CLIP1: variants seen among roughly 807,000 people sequenced by gnomAD.
CLIP1 encodes the protein CAP-Gly domain containing linker protein 1, also known as CAP-Gly domain-containing linker protein 1.
A neutral mutation model predicts 161.6 loss-of-function variants in CLIP1; 66 were observed. The ratio of observed to expected loss-of-function variants is 0.41; its 90% CI spans 0.33 to 0.50. The LOEUF (loss-of-function observed/expected upper bound fraction) is 0.50, where lower values mean the gene tolerates loss of function less well. Ranked by LOEUF, CLIP1 falls within the 20% of genes least tolerant of loss-of-function variation. The pLI is 0.27. For synonymous variants in CLIP1, 598 were observed against 626.2 expected (o/e 0.96, Z 0.67); for missense variants, 1,376 against 1,702.0 (o/e 0.81, Z 3.37).
At chr12:122,421,811 T>C (rs2137259968) in intron 1 of CLIP1, among the ~76,000 whole-genome samples, 1 of 152,310 alleles carries the variant, frequency 6.6e-6, no homozygotes, top group African/African-American at 2.4e-5. Flanking sequence ...GGGCAATCGC[T>C]AGGTTCTGCT....
intron 19 of CLIP1, among the ~76,000 whole-genome samples, chr12:122,315,120 CAT>C (rs1221392175): frequency 3.3e-5 from 5 of 152,204 alleles, no homozygotes; most frequent in African/African-American, 1.2e-4. Context: ...AAGAACCACA[CAT>C]GTGCTAGCTT....
intron 20 of CLIP1, among the ~76,000 whole-genome samples, chr12:122,299,251 A>G (rs953285507): frequency 3.3e-5 from 5 of 152,144 alleles, no homozygotes; most frequent in East Asian, 3.9e-4. Context: ...TCCAGGATGG[A>G]TAACTTCTCT....
chr12:122,335,401 T>C (rs953699894), intron 12 of CLIP1, among the ~76,000 whole-genome samples: 6 of 151,688 alleles, frequency 4.0e-5, no homozygotes, highest in Non-Finnish European at 7.4e-5. Context: ...GTGGCATGTC[T>C]TGTCCTAAGA....
intron 19 of CLIP1, 30 bp from the exon 20 acceptor site, chr12:122,309,912 T>C (rs759936149): frequency 9.3e-6 from 15 of 1,611,864 alleles, no homozygotes; most frequent in South Asian, 2.2e-5. Flanking sequence ...AGGGTTACCA[T>C]AGAAACAAGA....
rs747590912 is a variant in CLIP1, at chr12:122,341,425, G to A, written c.1779C>T (p.Thr593=). The change falls in exon 11 of 26, where the codon ACC becomes ACT. Residue 593 remains threonine (T), a synonymous_variant. Coordinates refer to ENST00000620786, the MANE Select transcript of CLIP1 (RefSeq NM_001247997.2). ...TCTCTTTGGAAAGCTTTTCCGTGGC[G>A]GTATACAGAGCCTTTATCTCCTTCT... ...THQKEIKALY[T]ATEKLSKENE... 2.0e-5 allele frequency: 32 copies of A among 1,613,974 alleles called. No individual in the cohort carries two copies. In the Middle Eastern group the frequency reaches 4.9e-4, roughly 25 times the overall value.
chr12:122,420,961 GGATA>G (rs1418533045), intron 1 of CLIP1, among the ~76,000 whole-genome samples: 49 of 151,126 alleles, frequency 3.2e-4, no homozygotes, highest in Middle Eastern at 3.4e-3. Flanking sequence ...ATTGATGGAT[GGATA>G]GACAGACAGA....
rs540284407 is a variant in CLIP1, at chr12:122,274,446, A to C, written c.3967-284T>G. Reference sequence around the variant, plus strand: ...AGATTTCTTCAAATGTTCATTACTGAGGAGATGCTATTTTATATTTTAAAA... The same window carrying C: ...AGATTTCTTCAAATGTTCATTACTGCGGAGATGCTATTTTATATTTTAAAA... On this transcript the variant is annotated intron_variant, in intron 24 of 25. Transcript: ENST00000620786. 13 of 220,604 alleles carry C rather than the reference A, an allele frequency of 5.9e-5. No individual in the cohort carries two copies. In the Admixed American group the frequency reaches 6.9e-4, roughly 12 times the overall value. 13.7% of individuals were successfully genotyped at this position (220,604 alleles called of 1,614,324 possible).
intron 14 of CLIP1, among the ~76,000 whole-genome samples, chr12:122,333,357 C>T (rs1952074189): frequency 6.6e-6 from 1 of 152,062 alleles, no homozygotes; most frequent in African/African-American, 2.4e-5. Flanking sequence ...TAAATGCAGG[C>T]AAAGGAGCTG....
In CLIP1 at chr12:122,347,258, G is replaced by C; in HGVS notation, c.1506+117C>G. ...CTCACAAACACCTGAATGGTACCAAGACCAAACTCAGGTTGAACCACTGGG... is the reference window on the plus strand; with the variant it reads ...CTCACAAACACCTGAATGGTACCAACACCAAACTCAGGTTGAACCACTGGG... On this transcript the variant is annotated intron_variant, in intron 10 of 25. Coordinates refer to ENST00000620786, the MANE Select transcript of CLIP1 (RefSeq NM_001247997.2). The C allele has an allele frequency of 4.4e-6, 3 of 683,084 alleles. No individual in the cohort carries two copies. In the South Asian group the frequency reaches 5.7e-5, roughly 13 times the overall value. The allele number at this position is 683,084 out of a possible 1,614,324, so 42.3% of individuals were successfully genotyped here.
chr12:122,294,546 T>C (rs1181469764), intron 20 of CLIP1, among the ~76,000 whole-genome samples: 1 of 151,686 alleles, frequency 6.6e-6, no homozygotes, highest in East Asian at 1.9e-4. Context: ...GATGACCACT[T>C]GAGCCCAGGA....
intron 11 of CLIP1, among the ~76,000 whole-genome samples, chr12:122,336,962 GTTT>G (rs11433673): frequency 6.9e-6 from 1 of 144,330 alleles, no homozygotes; most frequent in South Asian, 2.2e-4. Context: ...CTATTTTTGT[GTTT>G]TTTTTTTTTT....
chr12:122,404,041 C>A lies in CLIP1; in HGVS notation c.-107+18480G>T, dbSNP rs115532121. Among the ~76,000 whole-genome samples, 270 of 152,260 alleles carry A rather than the reference C, an allele frequency of 1.8e-3. 1 individual carries two copies. Among genetic ancestry groups the A allele is most frequent in the African/African-American group, 6.3e-3 (262 of 41,558 alleles). ...AGCATGCACTCCAAGGTAGAATACC[C>A]GGTAAGCGCATGAGTGAGCGGTCTA... is the stretch of plus-strand genomic sequence containing the variant. On this transcript the variant is annotated intron_variant, in intron 1 of 25. Coordinates refer to ENST00000620786, the MANE Select transcript of CLIP1 (RefSeq NM_001247997.2).
Position 122,288,537 on chromosome 12 carries a change from T to A in CLIP1, c.3599A>T (p.Glu1200Val). Residue 1200 changes from glutamate to valine, a missense_variant, in exon 21 of 26, where the codon GAA becomes GTA. Glu to Val is a moderately radical substitution (Grantham distance 121, BLOSUM62 -2). Around this residue, in one of 6 missense-constraint regions of CLIP1, gnomAD observed 948 missense variants for 1,134.8 expected, o/e 0.84. Transcript: ENST00000620786. Reference sequence around the variant, plus strand: ...ATTATTGAGCACAGATCTTTCTTCTTCCAGCTAGGAAAAAAACACAAAAAA... The same window carrying A: ...ATTATTGAGCACAGATCTTTCTTCTACCAGCTAGGAAAAAAACACAAAAAA... ...RDEVTSHQKL[E>V]EERSVLNNQL... is the part of the protein sequence containing the mutation. 6.2e-7 allele frequency: 1 copy of A among 1,606,222 alleles called. No individual in the cohort carries two copies. Among genetic ancestry groups the A allele is most frequent in the African/African-American group, 1.3e-5 (1 of 74,928 alleles).
At chr12:122,390,279 C>CATATATATATATATATATATAT (rs1179187571) in intron 1 of CLIP1, among the ~76,000 whole-genome samples, 2 of 78,984 alleles carry the variant, frequency 2.5e-5, no homozygotes, top group Non-Finnish European at 5.4e-5. Flanking sequence ...TATATATATA[C>CATATATATATATATATATATAT]ATATATATAT....
intron 1 of CLIP1, among the ~76,000 whole-genome samples, chr12:122,415,073 T>A (rs1226211132): frequency 2.0e-5 from 3 of 150,550 alleles, no homozygotes; most frequent in Admixed American, 6.6e-5. Flanking sequence ...ATAATAATAA[T>A]AAATAATTTT....
At chr12:122,389,803 G>C (rs1593225462) in intron 1 of CLIP1, among the ~76,000 whole-genome samples, 1 of 130,574 alleles carries the variant, frequency 7.7e-6, no homozygotes, top group Admixed American at 8.5e-5. Flanking sequence ...ATGTAGTTGG[G>C]GAGAGATACA....
chr12:122,356,377 T>C (rs1450146134), intron 5 of CLIP1, among the ~76,000 whole-genome samples: 2 of 152,220 alleles, frequency 1.3e-5, no homozygotes, highest in Non-Finnish European at 2.9e-5. Flanking sequence ...TCAGTCTCAT[T>C]AGATTGTCCT....
At chr12:122,400,237 GAA>G (rs1456328634) in intron 1 of CLIP1, 1 of 151,920 alleles carries the variant, frequency 6.6e-6, no homozygotes, top group African/African-American at 2.4e-5. Context: ...TGTATATACA[GAA>G]GAGACTGAAA....
At chr12:122,327,926 A>G (rs1405413739) in intron 17 of CLIP1, 21 bp downstream of exon 17, 1 of 1,611,144 alleles carries the variant, frequency 6.2e-7, no homozygotes, top group East Asian at 2.2e-5. Flanking sequence ...CAACACAAGG[A>G]AATTCTCTCG....
Sources: allele counts gnomAD v4.1 joint callset (sites outside exome capture counted in the v4.1 genomes callset), GRCh38; gene constraint gnomAD v4.1.1; regional missense constraint gnomAD v4.1.1; transcripts MANE v1.5; gene names NCBI Gene and HGNC (gene_info 2026-07-23, HGNC 2026-07-21).